The following ZNF521 variants were observed in gnomAD, a reference collection of about 807,000 sequenced individuals.
ZNF521 encodes the protein LYST-interacting protein 3.
ZNF521 carries 14 observed loss-of-function variants against 105.5 expected under a neutral mutation model. The ratio of observed to expected loss-of-function variants is 0.13; its 90% CI spans 0.09 to 0.21. The LOEUF (loss-of-function observed/expected upper bound fraction) is 0.21, where lower values mean the gene tolerates loss of function less well. Ranked by LOEUF, ZNF521 falls within the 10% of genes least tolerant of loss-of-function variation. The probability of loss-of-function intolerance (pLI) is 1.00; values close to 1 mark genes in which losing one functional copy is unlikely to be tolerated. For synonymous variants in ZNF521, 635 were observed against 606.0 expected (o/e 1.05, Z -0.70); for missense variants, 1,233 against 1,629.7 (o/e 0.76, Z 4.19).
intron 4 of ZNF521, among the ~76,000 whole-genome samples, chr18:25,223,628 A>T (rs1905884652): frequency 6.6e-6 from 1 of 152,142 alleles, no homozygotes; most frequent in Admixed American, 6.5e-5. Context: ...TTTCATTATA[A>T]ATGAACTTGT....
chr18:25,146,802 A>C (rs1434684662), intron 5 of ZNF521, among the ~76,000 whole-genome samples: 1 of 152,040 alleles, frequency 6.6e-6, no homozygotes, highest in Non-Finnish European at 1.5e-5. Context: ...CACTGTCTTC[A>C]CAATTTATCC....
chr18:25,096,851 G>A (rs907588918), intron 5 of ZNF521, among the ~76,000 whole-genome samples: 3 of 152,152 alleles, frequency 2.0e-5, no homozygotes, highest in African/African-American at 7.2e-5. Flanking sequence ...TCACCATGTG[G>A]CCGGGGCCAT....
At chr18:25,066,380 C>G (rs186967664) in intron 7 of ZNF521, among the ~76,000 whole-genome samples, 1 of 152,130 alleles carries the variant, frequency 6.6e-6, no homozygotes. Flanking sequence ...TCCTCCCCCA[C>G]GCAGTATTTC....
At chr18:25,318,947 A>T (rs1912787009) in intron 3 of ZNF521, among the ~76,000 whole-genome samples, 1 of 89,316 alleles carries the variant, frequency 1.1e-5, no homozygotes, top group Admixed American at 1.0e-4. Flanking sequence ...CCAGGAGAAA[A>T]AAAAGAAAAA....
intron 4 of ZNF521, among the ~76,000 whole-genome samples, chr18:25,214,437 T>C (rs1256312180): frequency 6.6e-6 from 1 of 152,096 alleles, no homozygotes; most frequent in Non-Finnish European, 1.5e-5. Flanking sequence ...TTTCTTGGCC[T>C]CCTTGTTGTT....
At chr18:25,207,095 C>T (rs1008855928) in intron 4 of ZNF521, among the ~76,000 whole-genome samples, 2 of 151,992 alleles carry the variant, frequency 1.3e-5, no homozygotes, top group African/African-American at 4.8e-5. Flanking sequence ...AAAATGCCCC[C>T]ATATTCTCTG....
chr18:25,099,371 A>G (rs1412620168), intron 5 of ZNF521, among the ~76,000 whole-genome samples: 2 of 152,166 alleles, frequency 1.3e-5, no homozygotes, highest in Non-Finnish European at 2.9e-5. Context: ...TCCACCTTAC[A>G]GTGCTTGGCT....
chr18:25,171,220 C>A (rs951284021), intron 5 of ZNF521, among the ~76,000 whole-genome samples: 7 of 152,100 alleles, frequency 4.6e-5, no homozygotes, highest in African/African-American at 7.2e-5. Context: ...CACACACAAT[C>A]GAAATTAGAA....
At chr18:25,081,652 C>T (rs1237595869) in intron 7 of ZNF521, among the ~76,000 whole-genome samples, 1 of 152,178 alleles carries the variant, frequency 6.6e-6, no homozygotes, top group Admixed American at 6.5e-5. Flanking sequence ...AATGCATTTA[C>T]TCATTTAGTC....
At chr18:25,129,033 C>T (rs1335199121) in intron 5 of ZNF521, among the ~76,000 whole-genome samples, 2 of 151,672 alleles carry the variant, frequency 1.3e-5, no homozygotes, top group Non-Finnish European at 1.5e-5. Flanking sequence ...GAACTAATGC[C>T]ACTCAACTTC....
intron 3 of ZNF521, among the ~76,000 whole-genome samples, chr18:25,229,017 C>T (rs1356037613): frequency 6.6e-6 from 1 of 152,092 alleles, no homozygotes; most frequent in Non-Finnish European, 1.5e-5. Flanking sequence ...GAATAAGAGG[C>T]TCAGTTAGAG....
chr18:25,186,163 T>C (rs2035719021), intron 5 of ZNF521, among the ~76,000 whole-genome samples: 1 of 152,192 alleles, frequency 6.6e-6, no homozygotes, highest in Non-Finnish European at 1.5e-5. Flanking sequence ...AAAAAAGAGA[T>C]TCTCTCCTCA....
At chr18:25,081,639 GAAAATGCATTTACTCATTTAGTCC>G (rs1241211385) in intron 7 of ZNF521, among the ~76,000 whole-genome samples, 3 of 152,120 alleles carry the variant, frequency 2.0e-5, no homozygotes, top group African/African-American at 7.2e-5. Flanking sequence ...ACAGGTAATT[GAAAATGCATTTACTCATTTAGTCC>G]AAATGAGTTC....
intron 3 of ZNF521, among the ~76,000 whole-genome samples, chr18:25,291,880 A>C (rs1478307650): frequency 6.6e-6 from 1 of 152,182 alleles, no homozygotes; most frequent in Non-Finnish European, 1.5e-5. Flanking sequence ...AAAAGTTGTC[A>C]GGATTTAAGA....
chr18:25,170,461 T>C (rs2035428040), intron 5 of ZNF521, among the ~76,000 whole-genome samples: 1 of 152,146 alleles, frequency 6.6e-6, no homozygotes, highest in African/African-American at 2.4e-5. Context: ...AAAAAGTTGT[T>C]TTTAATATAA....
intron 3 of ZNF521, among the ~76,000 whole-genome samples, chr18:25,291,173 A>AGGGTG (rs1910997566): frequency 6.6e-6 from 1 of 152,200 alleles, no homozygotes; most frequent in Non-Finnish European, 1.5e-5. Context: ...GGCCATAAAT[A>AGGGTG]ATGCACGAGT....
At chr18:25,198,469 T>A (rs961030839) in intron 4 of ZNF521, among the ~76,000 whole-genome samples, 6 of 151,762 alleles carry the variant, frequency 4.0e-5, no homozygotes, top group African/African-American at 1.4e-4. Context: ...GACTTCACAT[T>A]TAGTCTTACC....
intron 7 of ZNF521, among the ~76,000 whole-genome samples, chr18:25,084,144 A>G (rs576722142): frequency 1.3e-5 from 2 of 151,966 alleles, no homozygotes; most frequent in African/African-American, 4.8e-5. Context: ...AGCAGTATGT[A>G]ATATAGCAGT....
chr18:25,079,931 C>T (rs183302707), intron 7 of ZNF521, among the ~76,000 whole-genome samples: 5 of 152,328 alleles, frequency 3.3e-5, no homozygotes, highest in African/African-American at 1.2e-4. Flanking sequence ...GGCACACAAG[C>T]TTAGCAGATG....
Sources: allele counts gnomAD v4.1 joint callset (sites outside exome capture counted in the v4.1 genomes callset), GRCh38; gene constraint gnomAD v4.1.1; transcripts MANE v1.5; gene names NCBI Gene and HGNC (gene_info 2026-07-23, HGNC 2026-07-21).